LAMA2: variants seen among roughly 807,000 people sequenced by gnomAD.
LAMA2 encodes laminin subunit alpha 2.
A neutral mutation model predicts 364.8 loss-of-function variants in LAMA2; 269 were observed. The ratio of observed to expected loss-of-function variants is 0.74; its 90% CI spans 0.67 to 0.82. LAMA2 has a LOEUF of 0.82. Ranked by LOEUF, LAMA2 falls within the 40% of genes least tolerant of loss-of-function variation. LAMA2 has a pLI of 0.00. For synonymous variants in LAMA2, 1,379 were observed against 1,370.6 expected, an observed-to-expected ratio of 1.01 and a Z score of -0.14; for missense variants, 3,807 against 3,873.2, an observed-to-expected ratio of 0.98 and a Z score of 0.45.
intron 46 of LAMA2, among the ~76,000 whole-genome samples, chr6:129,453,458 T>G (rs1308105155): frequency 6.6e-6 from 1 of 152,200 alleles, no homozygotes; most frequent in Non-Finnish European, 1.5e-5. Context: ...CTTATTTATT[T>G]ATCTTATTTA....
intron 2 of LAMA2, among the ~76,000 whole-genome samples, chr6:129,050,474 T>A (rs537009903): frequency 2.0e-5 from 3 of 152,256 alleles, no homozygotes; most frequent in East Asian, 1.9e-4. Context: ...GAGCTACTGA[T>A]ATATAGTGTG....
chr6:129,222,961 A>AGT (rs1259784171), intron 12 of LAMA2, among the ~76,000 whole-genome samples: 1 of 152,220 alleles, frequency 6.6e-6, no homozygotes, highest in East Asian at 1.9e-4. Flanking sequence ...TCCCACCAAC[A>AGT]GTGTAAAAGT....
At chr6:129,487,787 A>G (rs905226277) in intron 56 of LAMA2, among the ~76,000 whole-genome samples, 5 of 152,312 alleles carry the variant, frequency 3.3e-5, no homozygotes, top group Admixed American at 2.0e-4. Context: ...AGACGTTTAG[A>G]AACCATGATC....
At chr6:129,360,770 G>T (rs1266176421) in intron 32 of LAMA2, among the ~76,000 whole-genome samples, 1 of 152,200 alleles carries the variant, frequency 6.6e-6, no homozygotes, top group Non-Finnish European at 1.5e-5. Flanking sequence ...AAACAGATGG[G>T]CAGGGGATAG....
intron 37 of LAMA2, among the ~76,000 whole-genome samples, chr6:129,394,926 G>A (rs1387351335): frequency 6.6e-6 from 1 of 152,134 alleles, no homozygotes; most frequent in Non-Finnish European, 1.5e-5. Flanking sequence ...TATGTGCCAC[G>A]TTTAACTAAA....
chr6:129,443,997 A>G (rs1017065150), intron 44 of LAMA2, among the ~76,000 whole-genome samples: 2 of 152,144 alleles, frequency 1.3e-5, no homozygotes, highest in Admixed American at 6.5e-5. Context: ...AAAATATTAG[A>G]CCTGATAAAT....
intron 40 of LAMA2, among the ~76,000 whole-genome samples, chr6:129,410,709 A>AT (rs1293717682): frequency 3.0e-4 from 44 of 147,096 alleles, no homozygotes; most frequent in African/African-American, 7.8e-4. Context: ...TGGATGATAG[A>AT]CAGATTAGAT....
At chr6:129,139,993 T>C (rs1404891097) in intron 4 of LAMA2, among the ~76,000 whole-genome samples, 1 of 152,160 alleles carries the variant, frequency 6.6e-6, no homozygotes, top group African/African-American at 2.4e-5. Flanking sequence ...TTATTCATGA[T>C]CTTTCAGTAG....
chr6:128,897,877 A>T lies in LAMA2; in HGVS notation c.112+14520A>T, dbSNP rs183293120. On this transcript the variant is annotated intron_variant, in intron 1 of 64. Transcript: ENST00000421865. ...AGTACTAGAGCTATGACTGCATCAG[A>T]AGTCCAGCAGTGTGGGCACAAAGCA... is the stretch of plus-strand genomic sequence containing the variant. 5.3e-5 allele frequency among the ~76,000 whole-genome samples: 8 copies of T among 152,280 alleles called. No individual in the cohort carries two copies. The East Asian group carries it at 1.5e-3, about 29-fold the overall frequency.
Position 129,050,024 on chromosome 6 carries a change from C to A in LAMA2, c.219C>A (p.Val73=). 1 of 1,614,068 alleles carries A rather than the reference C, an allele frequency of 6.2e-7. No individual in the cohort carries two copies. The highest frequency in any genetic ancestry group is 8.5e-7 in the Non-Finnish European group (1 of 1,179,974). ...TGTACTGCAAATTGGTAGAACATGTCCCTGGGCAGCCTGTGAGGAACCCGC... is the reference window on the plus strand; with the variant it reads ...TGTACTGCAAATTGGTAGAACATGTACCTGGGCAGCCTGTGAGGAACCCGC... ...PEMYCKLVEH[V]PGQPVRNPQC... is the part of the protein sequence containing the mutation. Residue 73 remains valine, a synonymous_variant, in exon 2 of 65, where the codon GTC becomes GTA. Transcript: ENST00000421865.
intron 48 of LAMA2, among the ~76,000 whole-genome samples, chr6:129,459,867 A>G (rs946199526): frequency 6.6e-5 from 10 of 152,082 alleles, no homozygotes; most frequent in Non-Finnish European, 1.3e-4. Flanking sequence ...CACATTACAG[A>G]CAAAAGAATA....
intron 12 of LAMA2, among the ~76,000 whole-genome samples, chr6:129,204,375 GA>G (rs776723238): frequency 7.9e-5 from 12 of 151,786 alleles, no homozygotes; most frequent in Non-Finnish European, 1.6e-4. Context: ...ACTAATTAGA[GA>G]AGTAAATGTT....
At chr6:129,093,163 T>C (rs1373852112) in intron 3 of LAMA2, among the ~76,000 whole-genome samples, 1 of 151,420 alleles carries the variant, frequency 6.6e-6, no homozygotes, top group Non-Finnish European at 1.5e-5. Flanking sequence ...TTTTTTTTTG[T>C]ATTTTTTAGT....
At chr6:129,289,680 T>A (rs1044838530) in intron 19 of LAMA2, among the ~76,000 whole-genome samples, 4 of 152,108 alleles carry the variant, frequency 2.6e-5, no homozygotes, top group Admixed American at 6.6e-5. Context: ...GGTAATTAAT[T>A]ATTGTAGAAA....
At chr6:129,403,513 C>T (rs1473438381) in intron 39 of LAMA2, among the ~76,000 whole-genome samples, 1 of 152,180 alleles carries the variant, frequency 6.6e-6, no homozygotes, top group Non-Finnish European at 1.5e-5. Flanking sequence ...CAGCATGCTT[C>T]ACAAATAAGG....
Position 128,917,514 on chromosome 6 carries a change from ATTG to A in LAMA2, c.112+34160_112+34162del, listed in dbSNP as rs576283371. Among the ~76,000 whole-genome samples, 366 of 152,158 alleles carry A rather than the reference ATTG, an allele frequency of 2.4e-3. 3 individuals carry two copies. Among genetic ancestry groups the A allele is most frequent in the Non-Finnish European group, 4.1e-3 (278 of 67,994 alleles). On this transcript the variant is annotated intron_variant, in intron 1 of 64. Transcript: ENST00000421865. ...CCTTTGTTTGCTTCAGGACTTACAT[ATTG>A]TTACAGTTAGTCCTTAGGTAAATGA...
At position 129,403,885 on chromosome 6, in the gene LAMA2, A is replaced by G; in HGVS notation, c.5791A>G (p.Ile1931Val). 2 of 1,613,822 alleles carry G rather than the reference A, an allele frequency of 1.2e-6. No individual in the cohort carries two copies. The highest frequency in any genetic ancestry group is 1.7e-6 in the Non-Finnish European group (2 of 1,179,738). Residue 1931 changes from isoleucine to valine, a missense_variant, in exon 40 of 65, where the codon ATT becomes GTT. Ile to Val is a conservative substitution (Grantham distance 29). Transcript: ENST00000421865. ...TGCAGCCTTCAAAGCTTACAGCAAT[A>G]TTAAGGACTATATTGATGAAGCTGA... The part of the protein sequence containing the change: ...ATAAFKAYSN[I>V]KDYIDEAEKV...
Position 128,883,178 on chromosome 6 carries a change from A to C in LAMA2, c.-68A>C. ...TGCTGCTCGCTCAGCTCACAAGCCA[A>C]GGCCAGGGGACAGGGCGGCAGCGAC... On this transcript the variant is annotated 5_prime_UTR_variant, in exon 1 of 65. Coordinates refer to ENST00000421865, the MANE Select transcript of LAMA2 (RefSeq NM_000426.4). 6.9e-7 allele frequency: 1 copy of C among 1,441,376 alleles called. No individual in the cohort carries two copies. Among genetic ancestry groups the C allele is most frequent in the Non-Finnish European group, 9.5e-7 (1 of 1,056,030 alleles). The allele number at this position is 1,441,376 out of a possible 1,614,324, so 89.3% of individuals were successfully genotyped here. A position where few individuals can be genotyped will look rare whatever the true frequency, so the allele number is the denominator to read the frequency against.
intron 30 of LAMA2, among the ~76,000 whole-genome samples, chr6:129,348,540 G>A (rs1776685681): frequency 6.6e-6 from 1 of 151,642 alleles, no homozygotes. Flanking sequence ...TAGTTTTCAA[G>A]TCTTGTGGAG....
Sources: allele counts gnomAD v4.1 joint callset (sites outside exome capture counted in the v4.1 genomes callset), GRCh38; gene constraint gnomAD v4.1.1; transcripts MANE v1.5; gene names NCBI Gene and HGNC (gene_info 2026-07-23, HGNC 2026-07-21).